Variants in FSTL4 observed in about 807,000 individuals in gnomAD.
The protein encoded by FSTL4 is follistatin-related protein 4.
FSTL4 carries 28 observed loss-of-function variants against 78.2 expected under a neutral mutation model. The ratio of observed to expected loss-of-function variants is 0.36; its 90% CI spans 0.27 to 0.49. The LOEUF is 0.49. Ranked by LOEUF, FSTL4 falls within the 20% of genes least tolerant of loss-of-function variation. The probability of loss-of-function intolerance (pLI) is 0.98; values close to 1 mark genes in which losing one functional copy is unlikely to be tolerated. For synonymous variants in FSTL4, 422 were observed against 440.5 expected (o/e 0.96, Z 0.53); for missense variants, 922 against 1,084.9 (o/e 0.85, Z 2.11).
At chr5:133,716,820 T>C in the FSTL4 span, among the ~76,000 whole-genome samples, 1 of 152,254 alleles carries the variant, frequency 6.6e-6, no homozygotes, top group Non-Finnish European at 1.5e-5. Context: ...TTAGCTTTTA[T>C]GAATCACAGA....
chr5:133,751,442 C>A, the FSTL4 span, among the ~76,000 whole-genome samples: 6 of 152,336 alleles, frequency 3.9e-5, no homozygotes, highest in African/African-American at 1.4e-4. Flanking sequence ...AGAACTGTTT[C>A]TTTTTGTTAT....
At chr5:133,446,524 T>G (rs1223600914) in intron 3 of FSTL4, among the ~76,000 whole-genome samples, 2 of 152,134 alleles carry the variant, frequency 1.3e-5, no homozygotes, top group African/African-American at 4.8e-5. Flanking sequence ...GCTCCCAACT[T>G]GCTGACACTG....
the FSTL4 span, among the ~76,000 whole-genome samples, chr5:133,765,850 G>A: frequency 2.6e-5 from 4 of 152,288 alleles, no homozygotes; most frequent in South Asian, 8.3e-4. Flanking sequence ...CAGCCATTTA[G>A]GAAGGAAGAG....
chr5:133,772,077 C>T, the FSTL4 span, among the ~76,000 whole-genome samples: 6 of 152,062 alleles, frequency 3.9e-5, no homozygotes, highest in South Asian at 4.1e-4. Flanking sequence ...CAAAATAACC[C>T]GGGATGATTT....
the FSTL4 span, among the ~76,000 whole-genome samples, chr5:133,840,165 G>A: frequency 6.6e-6 from 1 of 152,184 alleles, no homozygotes; most frequent in Non-Finnish European, 1.5e-5. Context: ...TGATAATTTA[G>A]TTGTGCTTCC....
chr5:133,329,813 C>T (rs1170861372), intron 4 of FSTL4, among the ~76,000 whole-genome samples: 4 of 152,204 alleles, frequency 2.6e-5, no homozygotes, highest in Non-Finnish European at 1.5e-5. Flanking sequence ...TTAACCATCA[C>T]ACCTGGCATC....
intron 4 of FSTL4, among the ~76,000 whole-genome samples, chr5:133,391,207 T>C (rs554194091): frequency 2.0e-5 from 3 of 152,172 alleles, no homozygotes; most frequent in Non-Finnish European, 2.9e-5. Context: ...ATTCAATACA[T>C]GGTGTCATTT....
intron 6 of FSTL4, among the ~76,000 whole-genome samples, chr5:133,292,593 C>G (rs1445299072): frequency 6.6e-6 from 1 of 151,864 alleles, no homozygotes; most frequent in Non-Finnish European, 1.5e-5. Context: ...GCAAACTCAT[C>G]ATTTGAGACT....
At chr5:133,489,246 C>A (rs1293474722) in intron 3 of FSTL4, among the ~76,000 whole-genome samples, 4 of 152,188 alleles carry the variant, frequency 2.6e-5, no homozygotes, top group Non-Finnish European at 5.9e-5. Flanking sequence ...ACTGCAGAAA[C>A]CTGGTTCCTG....
the FSTL4 span, among the ~76,000 whole-genome samples, chr5:133,630,741 T>C: frequency 6.6e-6 from 1 of 152,196 alleles, no homozygotes; most frequent in Admixed American, 6.5e-5. Flanking sequence ...CTTCAATCTA[T>C]ACTACAAGGC....
intron 3 of FSTL4, among the ~76,000 whole-genome samples, chr5:133,418,531 T>C (rs866172716): frequency 6.6e-6 from 1 of 152,006 alleles, no homozygotes; most frequent in Non-Finnish European, 1.5e-5. Flanking sequence ...AAAAATTATA[T>C]GGAAATGGTT....
chr5:133,394,518 C>T (rs546293377), intron 4 of FSTL4, among the ~76,000 whole-genome samples: 36 of 152,352 alleles, frequency 2.4e-4, no homozygotes, highest in East Asian at 1.9e-3. Context: ...GCGGAGGGTG[C>T]GCCAGGTCCC....
At chr5:133,271,077 C>A (rs1006428132) in intron 6 of FSTL4, among the ~76,000 whole-genome samples, 2 of 152,202 alleles carry the variant, frequency 1.3e-5, no homozygotes, top group Non-Finnish European at 2.9e-5. Context: ...GTGGCTGCAG[C>A]AGGAAGAGGC....
At chr5:133,744,445 C>T in the FSTL4 span, among the ~76,000 whole-genome samples, 1 of 152,148 alleles carries the variant, frequency 6.6e-6, no homozygotes, top group South Asian at 2.1e-4. Context: ...CCCCGCTGTG[C>T]CGCATGGTGC....
At chr5:133,751,363 A>C in the FSTL4 span, among the ~76,000 whole-genome samples, 2 of 152,246 alleles carry the variant, frequency 1.3e-5, no homozygotes, top group African/African-American at 4.8e-5. Context: ...AGTGTATTTC[A>C]GCACCATTTG....
the FSTL4 span, among the ~76,000 whole-genome samples, chr5:133,717,246 T>G: frequency 6.6e-6 from 1 of 152,226 alleles, no homozygotes; most frequent in Non-Finnish European, 1.5e-5. Flanking sequence ...TGGAATACTA[T>G]GCAGCAATAA....
intron 6 of FSTL4, among the ~76,000 whole-genome samples, chr5:133,284,958 A>G (rs1268291262): frequency 6.6e-6 from 1 of 152,226 alleles, no homozygotes; most frequent in Non-Finnish European, 1.5e-5. Context: ...CCTAACGAGC[A>G]GGCAGAGGTG....
At chr5:133,747,517 A>G in the FSTL4 span, among the ~76,000 whole-genome samples, 1 of 152,126 alleles carries the variant, frequency 6.6e-6, no homozygotes, top group Admixed American at 6.5e-5. Context: ...CAATGCTCAC[A>G]AAAAATTGGC....
intron 3 of FSTL4, among the ~76,000 whole-genome samples, chr5:133,512,592 AG>A (rs1306383061): frequency 6.6e-6 from 1 of 152,260 alleles, no homozygotes; most frequent in Non-Finnish European, 1.5e-5. Context: ...GCAGTATTTT[AG>A]GCACTTGAAT....
Sources: allele counts gnomAD v4.1 joint callset (sites outside exome capture counted in the v4.1 genomes callset), GRCh38; gene constraint gnomAD v4.1.1; transcripts MANE v1.5; gene names NCBI Gene and HGNC (gene_info 2026-07-23, HGNC 2026-07-21).